Variants in STK32B observed in about 807,000 individuals in gnomAD.
The protein encoded by STK32B is serine/threonine kinase 32B.
Under a neutral mutation model 52.6 loss-of-function variants are expected in STK32B, and 43 were observed. That is an observed-to-expected ratio of 0.82 (90% CI 0.64 to 1.05). The LOEUF (loss-of-function observed/expected upper bound fraction) is 1.05. STK32B is among the 50% of genes least tolerant of loss of function. The pLI is 0.00. For missense variants in STK32B, 621 were observed against 534.6 expected, an observed-to-expected ratio of 1.16 and a Z score of -1.59; for synonymous variants, 238 against 204.3, an observed-to-expected ratio of 1.17 and a Z score of -1.41.
chr4:5,350,033 A>T (rs1733726960), intron 4 of STK32B, among the ~76,000 whole-genome samples: 1 of 152,226 alleles, frequency 6.6e-6, no homozygotes, highest in Admixed American at 6.5e-5. Flanking sequence ...CCAGAAGGAG[A>T]ATAGAGAAGG....
chr4:5,387,988 G>T (rs755659106), intron 4 of STK32B, among the ~76,000 whole-genome samples: 4 of 151,956 alleles, frequency 2.6e-5, no homozygotes, highest in Non-Finnish European at 5.9e-5. Flanking sequence ...AGGTGATCCC[G>T]CCCGCCTCAG....
Position 5,071,701 on chromosome 4 carries a change from A to G in STK32B, c.52+19786A>G, listed in dbSNP as rs548975639. 7.2e-5 allele frequency among the ~76,000 whole-genome samples: 11 copies of G among 152,288 alleles called. 1 individual carries two copies. The South Asian group carries it at 1.9e-3, about 26-fold the overall frequency. On this transcript the variant is annotated intron_variant, in intron 1 of 11. Transcript: ENST00000282908. ...AACACACCTTTCATGCATTAACCAG[A>G]ATTATGTTTGCTTAGGATTTGCATT...
At chr4:5,142,658 T>C (rs1189050249) in intron 2 of STK32B, among the ~76,000 whole-genome samples, 1 of 152,228 alleles carries the variant, frequency 6.6e-6, no homozygotes, top group African/African-American at 2.4e-5. Flanking sequence ...ACTTGGAACT[T>C]GTTGAGGGCA....
intron 6 of STK32B, among the ~76,000 whole-genome samples, chr4:5,436,995 T>G (rs931716616): frequency 6.6e-6 from 1 of 152,144 alleles, no homozygotes; most frequent in Non-Finnish European, 1.5e-5. Flanking sequence ...GTCCACACAT[T>G]TATTAAGTGC....
rs1720680598 is a variant in STK32B, at chr4:5,500,945, C to T, written c.*1862C>T. ...CCTAGGAACACCAGATTTCCTGGTT[C>T]TGTTCAAGTTGGCATTTCTTGTTTG... On this transcript the variant is annotated 3_prime_UTR_variant, in exon 12 of 12. Coordinates refer to ENST00000282908, the MANE Select transcript of STK32B (RefSeq NM_018401.3). 1 of 151,932 alleles carries T rather than the reference C, an allele frequency of 6.6e-6. No homozygotes were observed. Among genetic ancestry groups the T allele is most frequent in the African/African-American group, 2.4e-5 (1 of 41,404 alleles). The allele number at this position is 151,932 out of a possible 1,614,324, so 9.4% of individuals were successfully genotyped here. A position where few individuals can be genotyped will look rare whatever the true frequency, so the allele number is the denominator to read the frequency against.
chr4:5,389,365 G>A (rs532650268), intron 4 of STK32B, among the ~76,000 whole-genome samples: 25 of 152,222 alleles, frequency 1.6e-4, no homozygotes, highest in South Asian at 4.1e-4. Context: ...ATCATCTTAC[G>A]GTTCTGAAAG....
intron 4 of STK32B, among the ~76,000 whole-genome samples, chr4:5,375,192 C>G (rs1735509441): frequency 1.3e-5 from 2 of 152,136 alleles, no homozygotes; most frequent in Non-Finnish European, 1.5e-5. Flanking sequence ...GCTGTCCAGC[C>G]TCGTCCCCCA....
chr4:5,171,999 A>G (rs973061698), intron 3 of STK32B, among the ~76,000 whole-genome samples: 2 of 151,850 alleles, frequency 1.3e-5, no homozygotes, highest in South Asian at 2.1e-4. Flanking sequence ...AGTGGTTTGT[A>G]GTTCTCCTTG....
intron 3 of STK32B, among the ~76,000 whole-genome samples, chr4:5,171,268 T>G (rs1044871707): frequency 7.1e-4 from 108 of 152,246 alleles, no homozygotes; most frequent in Non-Finnish European, 1.1e-3. Context: ...GCCTGTTCAC[T>G]CTGATGGTGG....
chr4:5,416,753 C>A, intron 5 of STK32B, 92 bp from the exon 6 acceptor site: 2 of 997,868 alleles, frequency 2.0e-6, no homozygotes, highest in Non-Finnish European at 1.5e-6. Flanking sequence ...CTAATGTTTT[C>A]TTCACGGTAT....
At chr4:5,075,456 C>CT (rs1377510684) in intron 1 of STK32B, among the ~76,000 whole-genome samples, 2 of 152,034 alleles carry the variant, frequency 1.3e-5, no homozygotes, top group African/African-American at 4.8e-5. Flanking sequence ...GTTTCTCAAT[C>CT]TTTTTGCTGT....
chr4:5,468,689 GC>G (rs757120334), intron 11 of STK32B, among the ~76,000 whole-genome samples: 12 of 152,302 alleles, frequency 7.9e-5, no homozygotes, highest in Middle Eastern at 3.4e-3. Flanking sequence ...GGTGGGGTGT[GC>G]CCTGGCCATG....
intron 3 of STK32B, among the ~76,000 whole-genome samples, chr4:5,182,580 G>C (rs557304811): frequency 3.0e-4 from 45 of 152,026 alleles, no homozygotes; most frequent in African/African-American, 1.0e-3. Context: ...TCCTGCCTCA[G>C]CCTCCTGAGT....
intron 11 of STK32B, among the ~76,000 whole-genome samples, chr4:5,498,529 G>A (rs1317117705): frequency 6.6e-6 from 1 of 152,076 alleles, no homozygotes; most frequent in Non-Finnish European, 1.5e-5. Flanking sequence ...ATGGTGGCTG[G>A]TACACTCGTG....
chr4:5,456,096 A>G (rs547944563), intron 7 of STK32B, among the ~76,000 whole-genome samples: 1 of 152,178 alleles, frequency 6.6e-6, no homozygotes, highest in South Asian at 2.1e-4. Flanking sequence ...GCTCAGAAGC[A>G]CTCCAAGCCT....
chr4:5,101,883 TC>T (rs1713806725), intron 1 of STK32B, among the ~76,000 whole-genome samples: 1 of 152,194 alleles, frequency 6.6e-6, no homozygotes, highest in Non-Finnish European at 1.5e-5. Context: ...ATCCAGGCCT[TC>T]AAGTAAGACA....
chr4:5,325,463 G>A (rs1009048823), intron 3 of STK32B, among the ~76,000 whole-genome samples: 1 of 151,672 alleles, frequency 6.6e-6, no homozygotes, highest in African/African-American at 2.4e-5. Flanking sequence ...CATAAATTGG[G>A]GTATTTTTTC....
chr4:5,432,739 A>G (rs950701102), intron 6 of STK32B, among the ~76,000 whole-genome samples: 1 of 152,194 alleles, frequency 6.6e-6, no homozygotes, highest in African/African-American at 2.4e-5. Flanking sequence ...AACTTCATTC[A>G]TAGTAAATAG....
intron 3 of STK32B, among the ~76,000 whole-genome samples, chr4:5,245,539 G>T (rs907360761): frequency 6.6e-6 from 1 of 152,148 alleles, no homozygotes; most frequent in Non-Finnish European, 1.5e-5. Flanking sequence ...TTGCCAGTCT[G>T]TGTCTTTTAA....
Sources: gnomAD v4.1 joint callset for allele counts (sites outside exome capture counted in the v4.1 genomes callset) on GRCh38, gnomAD v4.1.1 for gene constraint, MANE v1.5 for transcripts, NCBI Gene and HGNC (gene_info 2026-07-23, HGNC 2026-07-21) for gene names.